The following FNDC3B variants were observed in gnomAD, a reference collection of about 807,000 sequenced individuals.
The protein encoded by FNDC3B is fibronectin type III domain containing 3B, also known as fibronectin type III domain-containing protein 3B.
Under a neutral mutation model 151.5 loss-of-function variants are expected in FNDC3B, and 12 were observed. The observed-to-expected ratio is 0.08, with a 90% CI of 0.05 to 0.13. The LOEUF (loss-of-function observed/expected upper bound fraction) is 0.13, where lower values mean the gene tolerates loss of function less well. Ranked by LOEUF, FNDC3B falls within the 10% of genes least tolerant of loss-of-function variation. The pLI is 1.00. For missense variants in FNDC3B, 1,214 were observed against 1,505.3 expected (o/e 0.81, Z 3.20); for synonymous variants, 528 against 549.0 (o/e 0.96, Z 0.54).
At chr3:172,103,292 T>C (rs1311395890) in intron 1 of FNDC3B, among the ~76,000 whole-genome samples, 1 of 152,148 alleles carries the variant, frequency 6.6e-6, no homozygotes, top group Non-Finnish European at 1.5e-5. Flanking sequence ...TTTTTTTCCA[T>C]TTAGTTTTTA....
chr3:172,045,853 G>T lies in FNDC3B; in HGVS notation c.-29+6082G>T, dbSNP rs376697572. Among the ~76,000 whole-genome samples the T allele has an allele frequency of 2.6e-4, 39 of 151,736 alleles. No individual in the cohort carries two copies. The South Asian group carries it at 7.3e-3, about 28-fold the overall frequency. On this transcript the variant is annotated intron_variant, in intron 1 of 25. Coordinates refer to ENST00000415807, the MANE Select transcript of FNDC3B (RefSeq NM_022763.4). The stretch of plus-strand genomic sequence containing the variant: ...TATTATGGTTATGGCATTATGTGTT[G>T]TAAAGAGGGAGAGAATGCTTGAATT...
intron 7 of FNDC3B, among the ~76,000 whole-genome samples, chr3:172,295,038 T>C (rs961130882): frequency 6.6e-6 from 1 of 152,238 alleles, no homozygotes; most frequent in Non-Finnish European, 1.5e-5. Context: ...TGGGTATGGC[T>C]TCTTCCACAT....
chr3:172,192,276 G>A (rs190285658), intron 3 of FNDC3B, among the ~76,000 whole-genome samples: 103 of 150,952 alleles, frequency 6.8e-4, no homozygotes, highest in Non-Finnish European at 1.2e-3. Flanking sequence ...TGGTACAAGC[G>A]ATTCTCCTGC....
intron 3 of FNDC3B, among the ~76,000 whole-genome samples, chr3:172,179,234 G>C (rs1158492307): frequency 1.1e-5 from 1 of 91,980 alleles, no homozygotes; most frequent in African/African-American, 5.7e-5. Flanking sequence ...GCTAATGTTT[G>C]TATTTTTAGT....
intron 11 of FNDC3B, among the ~76,000 whole-genome samples, chr3:172,315,625 G>A (rs188557343): frequency 6.6e-6 from 1 of 152,318 alleles, no homozygotes; most frequent in Admixed American, 6.5e-5. Context: ...CAGAAAGGCA[G>A]AAGGTCATTT....
At chr3:172,310,188 C>T (rs1731396085) in intron 10 of FNDC3B, among the ~76,000 whole-genome samples, 2 of 152,152 alleles carry the variant, frequency 1.3e-5, no homozygotes, top group African/African-American at 4.8e-5. Context: ...TACTTCCCTT[C>T]CCATTGTTAA....
At chr3:172,353,423 A>G (rs556275033) in intron 22 of FNDC3B, among the ~76,000 whole-genome samples, 51 of 152,356 alleles carry the variant, frequency 3.3e-4, no homozygotes, top group Non-Finnish European at 2.4e-4. Flanking sequence ...TCTTCCAGAA[A>G]TTGTGCCGAC....
intron 16 of FNDC3B, 102 bp from the exon 17 acceptor site, chr3:172,341,011 T>C (rs1157339280): frequency 2.6e-6 from 2 of 769,586 alleles, no homozygotes; most frequent in African/African-American, 1.7e-5. Context: ...AAAAAGAAGA[T>C]GTTGGTTTTC....
At chr3:172,268,329 A>G (rs1729021879) in intron 6 of FNDC3B, among the ~76,000 whole-genome samples, 1 of 152,234 alleles carries the variant, frequency 6.6e-6, no homozygotes, top group Non-Finnish European at 1.5e-5. Context: ...AATTACCTGG[A>G]CAGTAATTAG....
At chr3:172,169,945 A>T (rs1230638444) in intron 3 of FNDC3B, among the ~76,000 whole-genome samples, 2 of 152,100 alleles carry the variant, frequency 1.3e-5, no homozygotes, top group Non-Finnish European at 2.9e-5. Flanking sequence ...GCCACTCTTG[A>T]CTCCAACATA....
At chr3:172,123,489 A>G (rs1429477091) in intron 2 of FNDC3B, among the ~76,000 whole-genome samples, 1 of 152,006 alleles carries the variant, frequency 6.6e-6, no homozygotes, top group African/African-American at 2.4e-5. Flanking sequence ...AACATTAATC[A>G]CTGAGCATGT....
In FNDC3B at chr3:172,083,783, T is replaced by TA. The variant is rs546761135; in HGVS notation, c.-28-28662dup. Among the ~76,000 whole-genome samples, 991 of 152,270 alleles carry TA rather than the reference T, an allele frequency of 6.5e-3. 8 individuals are homozygous for TA. The highest frequency in any genetic ancestry group is 0.023 in the African/African-American group (938 of 41,550). On this transcript the variant is annotated intron_variant, in intron 1 of 25. Coordinates refer to ENST00000415807, the MANE Select transcript of FNDC3B (RefSeq NM_022763.4). ...ATTTCAAGATGTGGTCAGATTATAA[T>TA]AAAAAAATACTAAAAGAAATCAGGA...
At chr3:172,281,715 T>A (rs1448390201) in intron 6 of FNDC3B, among the ~76,000 whole-genome samples, 2 of 152,186 alleles carry the variant, frequency 1.3e-5, no homozygotes, top group Non-Finnish European at 2.9e-5. Context: ...CTTGTTTAGT[T>A]GGCTCACACC....
At chr3:172,208,125 C>T (rs1377045389) in intron 3 of FNDC3B, among the ~76,000 whole-genome samples, 1 of 151,980 alleles carries the variant, frequency 6.6e-6, no homozygotes, top group Non-Finnish European at 1.5e-5. Context: ...AAGATCTGAA[C>T]CTTTATTTTT....
chr3:172,056,381 T>C (rs1387448823), intron 1 of FNDC3B, among the ~76,000 whole-genome samples: 1 of 152,234 alleles, frequency 6.6e-6, no homozygotes, highest in Non-Finnish European at 1.5e-5. Flanking sequence ...AAGGAAACAT[T>C]TTTAAGGACA....
chr3:172,043,451 A>G (rs1474022495), intron 1 of FNDC3B, among the ~76,000 whole-genome samples: 1 of 152,070 alleles, frequency 6.6e-6, no homozygotes, highest in Admixed American at 6.5e-5. Context: ...GGCTGAAGTG[A>G]TCCTCTCCCC....
At position 172,380,980 on chromosome 3, in the gene FNDC3B, CAGTT is replaced by C; in HGVS notation, c.3193_3196del (p.Leu1065LysfsTer15). ...TTGTATTTCAGCACCTCGAGTAACA[CAGTT>C]AGAAGGAAATTCATGTGAAATTTTA... On this transcript the variant is annotated frameshift_variant, in exon 25 of 26. Transcript: ENST00000415807. LOFTEE classifies it high-confidence loss of function. 6.2e-7 allele frequency: 1 copy of C among 1,613,402 alleles called. No homozygotes were observed. The highest frequency in any genetic ancestry group is 8.5e-7 in the Non-Finnish European group (1 of 1,179,476).
intron 24 of FNDC3B, among the ~76,000 whole-genome samples, chr3:172,380,470 C>T (rs1387148876): frequency 2.6e-5 from 4 of 152,182 alleles, no homozygotes; most frequent in African/African-American, 9.6e-5. Context: ...CTTAGACCCT[C>T]ACCCAGGTAT....
intron 6 of FNDC3B, among the ~76,000 whole-genome samples, chr3:172,280,253 A>G (rs1729642013): frequency 6.6e-6 from 1 of 152,212 alleles, no homozygotes; most frequent in Non-Finnish European, 1.5e-5. Context: ...TTTTGTCCCC[A>G]TTCATGCTTA....
Sources: gnomAD v4.1 joint callset for allele counts (sites outside exome capture counted in the v4.1 genomes callset) on GRCh38, gnomAD v4.1.1 for gene constraint, MANE v1.5 for transcripts, NCBI Gene and HGNC (gene_info 2026-07-23, HGNC 2026-07-21) for gene names.